The following IGF1 variants were observed in gnomAD, a reference collection of about 807,000 sequenced individuals.
IGF1 encodes insulin-like growth factor 1.
Under a neutral mutation model 13.8 loss-of-function variants are expected in IGF1, and 4 were observed. The observed-to-expected ratio is 0.29, with a 90% CI of 0.14 to 0.66. The LOEUF is 0.66. Ranked by LOEUF, IGF1 falls within the 30% of genes least tolerant of loss-of-function variation. The pLI is 0.78. For synonymous variants in IGF1, 76 were observed against 72.6 expected, an observed-to-expected ratio of 1.05 and a Z score of -0.23; for missense variants, 124 against 188.5, an observed-to-expected ratio of 0.66 and a Z score of 2.00.
chr12:102,446,616 T>A (rs927536031), intron 2 of IGF1, among the ~76,000 whole-genome samples: 2 of 152,170 alleles, frequency 1.3e-5, no homozygotes, highest in African/African-American at 4.8e-5. Flanking sequence ...TTCTCTCTTT[T>A]CTTCTTTATT....
Position 102,432,964 on chromosome 12 carries a change from G to A in IGF1, c.221-13274C>T, listed in dbSNP as rs532970092. ...AGGTTTCTTCTCTGGGGTAGGGAGA[G>A]AGGTTCAACACACAGCTGCCAAGAC... On this transcript the variant is annotated intron_variant, in intron 2 of 3. Transcript: ENST00000337514. Among the ~76,000 whole-genome samples the A allele has an allele frequency of 2.0e-5, 3 of 152,262 alleles. No individual in the cohort carries two copies. In the East Asian group the frequency reaches 5.8e-4, roughly 29 times the overall value.
chr12:102,414,422 A>C (rs1163244257), intron 3 of IGF1, among the ~76,000 whole-genome samples: 1 of 151,906 alleles, frequency 6.6e-6, no homozygotes, highest in African/African-American at 2.4e-5. Context: ...CTATTTATTT[A>C]TTATTTAATT....
intron 2 of IGF1, among the ~76,000 whole-genome samples, chr12:102,421,983 G>A (rs1011512542): frequency 3.9e-5 from 6 of 151,916 alleles, no homozygotes; most frequent in Non-Finnish European, 7.4e-5. Context: ...ACCACATGTC[G>A]ATTTCCTCTT....
chr12:102,480,811 T>C (rs1881350871), upstream of IGF1, among the ~76,000 whole-genome samples: 1 of 152,168 alleles, frequency 6.6e-6, no homozygotes, highest in African/African-American at 2.4e-5. Context: ...ATACTTATGC[T>C]GCCATAGAAA....
chr12:102,456,829 G>A (rs1879449852), intron 2 of IGF1, among the ~76,000 whole-genome samples: 2 of 152,168 alleles, frequency 1.3e-5, no homozygotes, highest in Non-Finnish European at 2.9e-5. Flanking sequence ...AAAGGAAGGG[G>A]CATGAATGCA....
rs139521893 is a variant in IGF1 at position 102,427,267 on chromosome 12, T to C, written c.221-7577A>G. Among the ~76,000 whole-genome samples, 290 of 152,224 alleles carry C rather than the reference T, an allele frequency of 1.9e-3. 3 individuals are homozygous for C. Among genetic ancestry groups the C allele is most frequent in the Middle Eastern group, 6.8e-3 (2 of 294 alleles). Reference sequence around the variant, plus strand: ...GCTGAGACTGGCTCCAGCTTGGAGATTGTAGCTATGCCACCAGCATTATCT... The same window carrying C: ...GCTGAGACTGGCTCCAGCTTGGAGACTGTAGCTATGCCACCAGCATTATCT... On this transcript the variant is annotated intron_variant, in intron 2 of 3. Coordinates refer to ENST00000337514, the MANE Select transcript of IGF1 (RefSeq NM_000618.5).
intron 2 of IGF1, among the ~76,000 whole-genome samples, chr12:102,466,193 A>G (rs535889022): frequency 6.6e-6 from 1 of 152,292 alleles, no homozygotes; most frequent in South Asian, 2.1e-4. Flanking sequence ...AAAGCTTTCA[A>G]AACCACAATG....
intron 2 of IGF1, among the ~76,000 whole-genome samples, chr12:102,472,070 G>A (rs913792504): frequency 1.3e-5 from 2 of 152,220 alleles, no homozygotes; most frequent in Non-Finnish European, 2.9e-5. Context: ...CCTTCCCAAT[G>A]TGCTTTCATC....
At chr12:102,475,932 T>C in intron 1 of IGF1, 133 bp from the exon 2 acceptor site, 2 of 934,596 alleles carry the variant, frequency 2.1e-6, no homozygotes, top group Non-Finnish European at 3.4e-6. Flanking sequence ...CAGAAGCCAA[T>C]AGAGTACATG....
rs1444248381 is a variant in IGF1, at chr12:102,396,379, A to G, written c.*6128T>C. On this transcript the variant is annotated 3_prime_UTR_variant, in exon 4 of 4. Transcript: ENST00000337514. ...GATATTTTGAATAGACATTTTCATG[A>G]TACACAGACACAGATAAAAGATGTA... The G allele has an allele frequency of 1.3e-5, 2 of 152,488 alleles. No homozygotes were observed. The highest frequency in any genetic ancestry group is 2.9e-5 in the Non-Finnish European group (2 of 68,238). The allele number at this position is 152,488 out of a possible 1,614,324, so 9.4% of individuals were successfully genotyped here.
At chr12:102,426,206 T>C (rs970099314) in intron 2 of IGF1, among the ~76,000 whole-genome samples, 7 of 152,214 alleles carry the variant, frequency 4.6e-5, no homozygotes, top group Non-Finnish European at 8.8e-5. Flanking sequence ...GATTCTACTG[T>C]TTCTTTACTG....
At chr12:102,461,845 A>G (rs1289564803) in intron 2 of IGF1, among the ~76,000 whole-genome samples, 2 of 152,236 alleles carry the variant, frequency 1.3e-5, no homozygotes, top group East Asian at 1.9e-4. Context: ...AATGGCCACA[A>G]GCAGGTTTGA....
At chr12:102,417,922 T>A in intron 3 of IGF1, 1 of 1,613,946 alleles carries the variant, frequency 6.2e-7, no homozygotes, top group Non-Finnish European at 8.5e-7. Flanking sequence ...GTCCCCTCCT[T>A]CTGTTCCCCT....
At chr12:102,423,760 AACCAC>A (rs1875955845) in intron 2 of IGF1, among the ~76,000 whole-genome samples, 1 of 152,144 alleles carries the variant, frequency 6.6e-6, no homozygotes, top group Non-Finnish European at 1.5e-5. Flanking sequence ...GCATCATCAA[AACCAC>A]ACCAATTAGC....
chr12:102,413,912 T>A (rs769594117), intron 3 of IGF1, among the ~76,000 whole-genome samples: 2 of 152,132 alleles, frequency 1.3e-5, no homozygotes, highest in Non-Finnish European at 2.9e-5. Context: ...TTGGAATGGT[T>A]CTTAGGTCAT....
chr12:102,452,127 TAGC>T (rs1879000021), intron 2 of IGF1, among the ~76,000 whole-genome samples: 1 of 151,132 alleles, frequency 6.6e-6, no homozygotes, highest in East Asian at 1.9e-4. Context: ...CCGGGCGTGG[TAGC>T]GGGCGCCTGT....
At chr12:102,443,126 G>T (rs1188606373) in intron 2 of IGF1, among the ~76,000 whole-genome samples, 1 of 151,928 alleles carries the variant, frequency 6.6e-6, no homozygotes, top group Non-Finnish European at 1.5e-5. Flanking sequence ...AGCGTCTTTG[G>T]CAGAGATTCC....
chr12:102,477,085 A>G (rs1239706045), intron 1 of IGF1, among the ~76,000 whole-genome samples: 1 of 151,932 alleles, frequency 6.6e-6, no homozygotes, highest in African/African-American at 2.4e-5. Flanking sequence ...ATTTTTTTTG[A>G]ACCTCAGAGT....
At chr12:102,449,976 C>T (rs79910493) in intron 2 of IGF1, among the ~76,000 whole-genome samples, 4,128 of 152,054 alleles carry the variant, frequency 0.027, 79 homozygotes, top group African/African-American at 0.041. Flanking sequence ...AGAGAGAGGG[C>T]GAGTTCTCAA....
Sources: allele counts gnomAD v4.1 joint callset (sites outside exome capture counted in the v4.1 genomes callset), GRCh38; gene constraint gnomAD v4.1.1; transcripts MANE v1.5; gene names NCBI Gene and HGNC (gene_info 2026-07-23, HGNC 2026-07-21).